Variants in SPG11 observed in about 807,000 individuals in gnomAD.
The protein encoded by SPG11 is SPG11 vesicle trafficking associated, spatacsin.
In SPG11, 222 loss-of-function variants were observed where a neutral mutation model predicts 274.0. The observed-to-expected ratio is 0.81, with a 90% CI of 0.73 to 0.91. The LOEUF is 0.91. Among genes scored for constraint, SPG11 ranks in the 40% least tolerant of loss-of-function variants. SPG11 has a pLI of 0.00. For synonymous variants in SPG11, 1,144 were observed against 1,039.7 expected (o/e 1.10, Z -1.93); for missense variants, 3,114 against 2,872.7 (o/e 1.08, Z -1.92).
chr15:44,596,287 C>T lies in SPG11; in HGVS notation c.4230G>A (p.Leu1410=), dbSNP rs1302104464. ...CCATTTTGGAGGTGGGCACTGAGGG[C>T]AAGTTCTCAAAAGCCAGCCTTAAGT... is the stretch of plus-strand genomic sequence containing the variant. The part of the protein sequence containing the change: ...QDHLRLAFEN[L]PSVPTSKMDS... The change falls in exon 25 of 40, where the codon TTG becomes TTA. Residue 1410 remains leucine, a synonymous_variant. Transcript: ENST00000261866. The T allele has an allele frequency of 1.1e-5, 17 of 1,613,984 alleles. No homozygotes were observed. Among genetic ancestry groups the T allele is most frequent in the Non-Finnish European group, 1.4e-5 (17 of 1,180,016 alleles).
rs1183241151 is a variant in SPG11, at chr15:44,562,770, T to C, written c.*351A>G. 1 of 233,904 alleles carries C rather than the reference T, an allele frequency of 4.3e-6. No homozygotes were observed. The highest frequency in any genetic ancestry group is 2.3e-5 in the African/African-American group (1 of 43,404). 14.5% of individuals were successfully genotyped at this position (233,904 alleles called of 1,614,324 possible). ...AAATGTATCACCTGTTCCTTAACTG[T>C]GTAAATAATAATTAAATTTCTTTGA... On this transcript the variant is annotated 3_prime_UTR_variant, in exon 40 of 40. Coordinates refer to ENST00000261866, the MANE Select transcript of SPG11 (RefSeq NM_025137.4).
intron 26 of SPG11, among the ~76,000 whole-genome samples, chr15:44,594,683 A>C (rs1463432701): frequency 6.6e-6 from 1 of 150,974 alleles, no homozygotes; most frequent in Non-Finnish European, 1.5e-5. Context: ...GGATCACCTG[A>C]GCCTTGGAGG....
chr15:44,580,615 AAAAATAC>A (rs1054322888), intron 30 of SPG11, among the ~76,000 whole-genome samples: 15 of 152,316 alleles, frequency 9.8e-5, no homozygotes, highest in South Asian at 8.3e-4. Context: ...TGTCTGTACT[AAAAATAC>A]AAAATACAAA....
chr15:44,608,744 A>G (rs1394909404), intron 18 of SPG11, 139 bp from the exon 19 acceptor site: 2 of 757,918 alleles, frequency 2.6e-6, no homozygotes, highest in Admixed American at 5.5e-5. Flanking sequence ...ACAAGTAGTC[A>G]TAAGTTAACA....
chr15:44,585,311 TG>T (rs1192219950), intron 29 of SPG11, among the ~76,000 whole-genome samples: 1 of 151,166 alleles, frequency 6.6e-6, no homozygotes, highest in Non-Finnish European at 1.5e-5. Flanking sequence ...CCAATGAGGC[TG>T]GGCGTGGTGG....
intron 24 of SPG11, 96 bp from the exon 25 acceptor site, chr15:44,596,451 C>T (rs2083041524): frequency 7.2e-7 from 1 of 1,384,888 alleles, no homozygotes; most frequent in Non-Finnish European, 1.0e-6. Flanking sequence ...ATTATGCTTT[C>T]TCACCCTGAA....
intron 20 of SPG11, among the ~76,000 whole-genome samples, chr15:44,604,772 C>G (rs2083277600): frequency 6.6e-6 from 1 of 151,210 alleles, no homozygotes; most frequent in South Asian, 2.1e-4. Context: ...ACTAAAAATA[C>G]AAAAAATTAG....
At chr15:44,565,753 G>C in intron 38 of SPG11, 101 bp downstream of exon 38, 2 of 1,442,378 alleles carry the variant, frequency 1.4e-6, no homozygotes, top group Non-Finnish European at 1.9e-6. Flanking sequence ...TACTGTCCTG[G>C]TTCTGTCACT....
At chr15:44,581,401 T>G (rs2082656996) in intron 30 of SPG11, among the ~76,000 whole-genome samples, 1 of 151,532 alleles carries the variant, frequency 6.6e-6, no homozygotes, top group Admixed American at 6.6e-5. Flanking sequence ...GTGACGGGGT[T>G]TTGCCATGTT....
chr15:44,616,546 A>G (rs2083597207), intron 15 of SPG11, among the ~76,000 whole-genome samples: 1 of 152,142 alleles, frequency 6.6e-6, no homozygotes, highest in Non-Finnish European at 1.5e-5. Context: ...AATCCCAAAT[A>G]ATTTAAGGTT....
intron 30 of SPG11, among the ~76,000 whole-genome samples, chr15:44,576,592 T>C (rs1194851316): frequency 4.0e-5 from 6 of 150,630 alleles, no homozygotes; most frequent in Non-Finnish European, 5.9e-5. Flanking sequence ...GAGCTTGCAG[T>C]GAGTGGAGAT....
Position 44,622,278 on chromosome 15 carries a change from C to G in SPG11, c.2386G>C (p.Val796Leu), listed in dbSNP as rs375729291. The G allele has an allele frequency of 1.7e-5, 28 of 1,604,512 alleles. No homozygotes were observed. Among genetic ancestry groups the G allele is most frequent in the Non-Finnish European group, 2.3e-5 (27 of 1,171,740 alleles). Residue 796 changes from valine to leucine, a missense_variant, in exon 13 of 40, where the codon GTT becomes CTT. Val to Leu is a conservative substitution (Grantham distance 32). Transcript: ENST00000261866. ...EKRTIDFVHQ[V>L]EKLYLGHFQE... ...AAATGTCCCAAATAAAGCTTCTCAA[C>G]TTGATGCACGAAGTCTATAGTTCTT...
At chr15:44,630,243 G>A (rs890021527) in intron 8 of SPG11, among the ~76,000 whole-genome samples, 2 of 152,154 alleles carry the variant, frequency 1.3e-5, no homozygotes, top group Admixed American at 6.6e-5. Context: ...GCTGCCCCCC[G>A]TGGATTACAT....
intron 25 of SPG11, 56 bp from the exon 26 acceptor site, chr15:44,595,515 A>AAT: frequency 6.6e-7 from 1 of 1,521,922 alleles, no homozygotes; most frequent in Non-Finnish European, 9.1e-7. Flanking sequence ...CAAATGTACA[A>AAT]ATACTACAGA....
At chr15:44,626,963 A>G (rs549820945) in intron 10 of SPG11, among the ~76,000 whole-genome samples, 1 of 152,318 alleles carries the variant, frequency 6.6e-6, no homozygotes, top group East Asian at 1.9e-4. Flanking sequence ...GGGACAAAGA[A>G]AAGAAACTGC....
chr15:44,592,466 C>A, intron 26 of SPG11, 28 bp from the exon 27 acceptor site: 1 of 1,343,080 alleles, frequency 7.4e-7, no homozygotes, highest in Non-Finnish European at 1.1e-6. Context: ...AAAAAAATTA[C>A]AAAATTTTGA....
chr15:44,640,919 G>C (rs182789239), intron 7 of SPG11, among the ~76,000 whole-genome samples: 35 of 152,136 alleles, frequency 2.3e-4, no homozygotes, highest in Admixed American at 2.1e-3. Context: ...TAGTAGAGAC[G>C]GGGTTTCACC....
At chr15:44,639,948 T>C (rs953217869) in intron 7 of SPG11, among the ~76,000 whole-genome samples, 6 of 152,252 alleles carry the variant, frequency 3.9e-5, no homozygotes, top group African/African-American at 1.4e-4. Flanking sequence ...TGGTGGCTCA[T>C]GCCTGTAATC....
At chr15:44,606,129 A>G in intron 19 of SPG11, 38 bp from the exon 20 acceptor site, 1 of 1,586,620 alleles carries the variant, frequency 6.3e-7, no homozygotes, top group Non-Finnish European at 8.6e-7. Flanking sequence ...TTAGAAGTTC[A>G]CTGATTATAA....
Sources: gnomAD v4.1 joint callset for allele counts (sites outside exome capture counted in the v4.1 genomes callset) on GRCh38, gnomAD v4.1.1 for gene constraint, MANE v1.5 for transcripts, NCBI Gene and HGNC (gene_info 2026-07-23, HGNC 2026-07-21) for gene names.